Variants in DPY19L3 observed in about 807,000 individuals in gnomAD.
DPY19L3 encodes the protein dpy-19 like C-mannosyltransferase 3.
In DPY19L3, 51 loss-of-function variants were observed where a neutral mutation model predicts 92.3. The ratio of observed to expected loss-of-function variants is 0.55; its 90% CI spans 0.44 to 0.70. The LOEUF is 0.70. Among genes scored for constraint, DPY19L3 ranks in the 30% least tolerant of loss-of-function variants. The pLI is 0.00. For synonymous variants in DPY19L3, 309 were observed against 315.2 expected, an observed-to-expected ratio of 0.98 and a Z score of 0.21; for missense variants, 706 against 855.9, an observed-to-expected ratio of 0.82 and a Z score of 2.18.
At chr19:32,439,963 T>A in intron 8 of DPY19L3, 53 bp downstream of exon 8, 1 of 1,596,626 alleles carries the variant, frequency 6.3e-7, no homozygotes, top group African/African-American at 1.4e-5. Flanking sequence ...AGTGTTTTTA[T>A]ATCATAGAAT....
chr19:32,408,099 AAG>A, intron 1 of DPY19L3, 116 bp from the exon 2 acceptor site: 1 of 606,098 alleles, frequency 1.6e-6, no homozygotes, highest in Non-Finnish European at 2.9e-6. Flanking sequence ...AAGAAAAAAA[AAG>A]GGAGGGCATG....
chr19:32,463,675 C>T (rs1056344292), intron 13 of DPY19L3, among the ~76,000 whole-genome samples, 187 bp downstream of exon 13: 4 of 152,196 alleles, frequency 2.6e-5, no homozygotes, highest in African/African-American at 9.7e-5. Context: ...ACAAACACGC[C>T]TCTATGTTTT....
chr19:32,457,712 CT>C (rs1356862075), intron 10 of DPY19L3, among the ~76,000 whole-genome samples: 1 of 152,156 alleles, frequency 6.6e-6, no homozygotes, highest in Non-Finnish European at 1.5e-5. Flanking sequence ...GCCAGACAGG[CT>C]TTGTGGGCGG....
At chr19:32,443,702 G>A (rs1969394736) in intron 8 of DPY19L3, among the ~76,000 whole-genome samples, 2 of 152,154 alleles carry the variant, frequency 1.3e-5, no homozygotes, top group South Asian at 4.1e-4. Flanking sequence ...GTCACAGGAG[G>A]CCTGCTAACA....
intron 3 of DPY19L3, among the ~76,000 whole-genome samples, chr19:32,416,074 G>A (rs543195860): frequency 6.6e-6 from 1 of 152,300 alleles, no homozygotes; most frequent in South Asian, 2.1e-4. Context: ...GAGAGAAGGT[G>A]CATGTGGCCA....
chr19:32,448,581 GTTAA>G (rs1969594706), intron 8 of DPY19L3, among the ~76,000 whole-genome samples: 1 of 152,164 alleles, frequency 6.6e-6, no homozygotes, highest in Non-Finnish European at 1.5e-5. Flanking sequence ...AAAGGGAAAT[GTTAA>G]TTAAATCCAA....
intron 16 of DPY19L3, 132 bp from the exon 17 acceptor site, chr19:32,477,390 C>G: frequency 8.3e-7 from 1 of 1,203,880 alleles, no homozygotes. Context: ...AAGCAAACTC[C>G]CGTTTTTTTT....
At chr19:32,448,674 G>A (rs1296034478) in intron 8 of DPY19L3, among the ~76,000 whole-genome samples, 3 of 152,124 alleles carry the variant, frequency 2.0e-5, no homozygotes, top group African/African-American at 7.2e-5. Context: ...TTCACATTGA[G>A]TAGGCCAAGG....
intron 16 of DPY19L3, 29 bp downstream of exon 16, chr19:32,468,842 T>C: frequency 6.2e-7 from 1 of 1,606,386 alleles, no homozygotes; most frequent in South Asian, 1.1e-5. Flanking sequence ...ACTTTTAAAA[T>C]TTTAAGTGCC....
At chr19:32,463,250 A>C (rs1192234176) in intron 12 of DPY19L3, 116 bp from the exon 13 acceptor site, 2 of 1,157,840 alleles carry the variant, frequency 1.7e-6, no homozygotes, top group Non-Finnish European at 2.5e-6. Flanking sequence ...CATCTTATGG[A>C]AATAATCAAT....
rs369682596 is a variant in DPY19L3, at chr19:32,410,826, G to A, written c.104-413G>A. ...TTTAGGTAATCAAGTTTTTAAAATA[G>A]CTTTTAAAGAATAAGCCACCAATTG... On this transcript the variant is annotated intron_variant, in intron 2 of 18. Transcript: ENST00000392250. Among the ~76,000 whole-genome samples, 7 of 152,122 alleles carry A rather than the reference G, an allele frequency of 4.6e-5. No individual in the cohort carries two copies. In the South Asian group the frequency reaches 1.4e-3, roughly 31 times the overall value.
chr19:32,455,400 T>G (rs890873858), intron 10 of DPY19L3, among the ~76,000 whole-genome samples: 22 of 152,270 alleles, frequency 1.4e-4, no homozygotes, highest in Admixed American at 2.6e-4. Flanking sequence ...TTTTAGTCAT[T>G]AATTTCTATG....
intron 3 of DPY19L3, 52 bp from the exon 4 acceptor site, chr19:32,432,664 T>C (rs1298980427): frequency 2.7e-6 from 4 of 1,463,672 alleles, no homozygotes; most frequent in Non-Finnish European, 1.9e-6. Context: ...TAACAATATG[T>C]ATTTAAACAA....
chr19:32,466,000 C>G (rs559417849), intron 15 of DPY19L3, among the ~76,000 whole-genome samples: 1 of 152,210 alleles, frequency 6.6e-6, no homozygotes, highest in Non-Finnish European at 1.5e-5. Flanking sequence ...AAGCACCCTC[C>G]TCACAGAAAA....
chr19:32,479,719 C>T (rs1970616689), intron 17 of DPY19L3: 2 of 348,196 alleles, frequency 5.7e-6, no homozygotes, highest in Admixed American at 3.7e-5. Context: ...ATCTGGGACG[C>T]TCAGTTTGCA....
At chr19:32,478,648 CAGA>C (rs1004628672) in intron 17 of DPY19L3, among the ~76,000 whole-genome samples, 19 of 152,334 alleles carry the variant, frequency 1.2e-4, no homozygotes, top group African/African-American at 4.1e-4. Flanking sequence ...TCCATTTTTA[CAGA>C]AGAAGTGGCA....
At chr19:32,411,108 C>A in intron 2 of DPY19L3, 131 bp from the exon 3 acceptor site, 1 of 882,216 alleles carries the variant, frequency 1.1e-6, no homozygotes, top group Non-Finnish European at 1.7e-6. Context: ...AAAGGACCCT[C>A]CGCTGGAGAC....
Position 32,456,215 on chromosome 19 carries a change from A to C in DPY19L3, c.1089+1175A>C, listed in dbSNP as rs959862153. ...CTCAGCCTCCTGAGTAGCTAGGACT[A>C]TGTGTGTATACCACCACACCGGCTA... is the stretch of plus-strand genomic sequence containing the variant. On this transcript the variant is annotated intron_variant, in intron 10 of 18. Coordinates refer to ENST00000392250, the MANE Select transcript of DPY19L3 (RefSeq NM_001172774.2). 2.0e-5 allele frequency among the ~76,000 whole-genome samples: 3 copies of C among 149,412 alleles called. No individual in the cohort carries two copies. The Admixed American group carries it at 2.0e-4, about 10-fold the overall frequency.
At chr19:32,445,059 G>C (rs546562946) in intron 8 of DPY19L3, among the ~76,000 whole-genome samples, 1 of 141,150 alleles carries the variant, frequency 7.1e-6, no homozygotes, top group Non-Finnish European at 1.5e-5. Flanking sequence ...CTGGGCAACA[G>C]AGCAAGACCC....
Sources: allele counts gnomAD v4.1 joint callset (sites outside exome capture counted in the v4.1 genomes callset), GRCh38; gene constraint gnomAD v4.1.1; transcripts MANE v1.5; gene names NCBI Gene and HGNC (gene_info 2026-07-23, HGNC 2026-07-21).